The following CDC42BPG variants were observed in gnomAD, a reference collection of about 807,000 sequenced individuals.
CDC42BPG encodes the protein CDC42 binding protein kinase gamma.
Under a neutral mutation model 192.2 loss-of-function variants are expected in CDC42BPG, and 157 were observed. That is an observed-to-expected ratio of 0.82 (90% CI 0.72 to 0.93). CDC42BPG has a LOEUF of 0.93. CDC42BPG is among the 40% of genes least tolerant of loss of function. The probability of loss-of-function intolerance (pLI) is 0.00; values close to 1 mark genes in which losing one functional copy is unlikely to be tolerated. For synonymous variants in CDC42BPG, 981 were observed against 918.5 expected, an observed-to-expected ratio of 1.07 and a Z score of -1.23; for missense variants, 1,992 against 2,122.1, an observed-to-expected ratio of 0.94 and a Z score of 1.20.
intron 36 of CDC42BPG, 111 bp downstream of exon 36, chr11:64,826,359 A>G (rs1382995271): frequency 2.7e-6 from 2 of 740,278 alleles, no homozygotes; most frequent in Non-Finnish European, 4.8e-6. Flanking sequence ...AATCGAGGGC[A>G]GGGATGGGCT....
At chr11:64,836,629 G>A in intron 11 of CDC42BPG, 99 bp from the exon 12 acceptor site, 1 of 1,245,148 alleles carries the variant, frequency 8.0e-7, no homozygotes, top group African/African-American at 1.6e-5. Flanking sequence ...CGGGCTCAGA[G>A]AGTATAAAAT....
In CDC42BPG at chr11:64,835,418, G is replaced by C; in HGVS notation, c.1882C>G (p.Pro628Ala). The C allele has an allele frequency of 1.2e-6, 2 of 1,613,542 alleles. No individual in the cohort carries two copies. Among genetic ancestry groups the C allele is most frequent in the South Asian group, 2.2e-5 (2 of 91,080 alleles). Residue 628 changes from proline (P) to alanine (A), a missense_variant and splice_region_variant, in exon 16 of 37, where the codon CCG (proline) becomes GCG (alanine). By Grantham distance (27) the Pro-to-Ala change is conservative. This residue lies in a region of CDC42BPG where 1,656 missense variants were observed against 1,844.3 expected (regional missense o/e 0.90). Transcript: ENST00000342711. ...CACAGAGCCTCCTCCTTACCACTCGGCCTGGGGAGGAGAAGGCCAAGGCCG... is the reference window on the plus strand; with the variant it reads ...CACAGAGCCTCCTCCTTACCACTCGCCCTGGGGAGGAGAAGGCCAAGGCCG... ...EQLEQAHSHR[P>A]SGKEEALCQL...
chr11:64,841,447 G>A (rs555855125), intron 3 of CDC42BPG, among the ~76,000 whole-genome samples: 2 of 146,412 alleles, frequency 1.4e-5, no homozygotes, highest in African/African-American at 2.5e-5. Context: ...GCAAGATTCC[G>A]TCTCAAAAAA....
chr11:64,842,577 T>C (rs947757671), intron 1 of CDC42BPG, among the ~76,000 whole-genome samples: 1 of 152,180 alleles, frequency 6.6e-6, no homozygotes, highest in Non-Finnish European at 1.5e-5. Context: ...CACTAGCCCC[T>C]GAAGGCGTGA....
intron 9 of CDC42BPG, 97 bp from the exon 10 acceptor site, chr11:64,837,116 G>C: frequency 9.2e-7 from 1 of 1,081,516 alleles, no homozygotes; most frequent in Non-Finnish European, 1.4e-6. Flanking sequence ...TTGTGAAACA[G>C]CCAAAACAGA....
At position 64,825,864 on chromosome 11, in the gene CDC42BPG, G is replaced by C. The variant is rs760831429; in HGVS notation, c.4599+606C>G. Among the ~76,000 whole-genome samples the C allele has an allele frequency of 2.0e-3, 306 of 152,150 alleles. 1 individual carries two copies. Among genetic ancestry groups the C allele is most frequent in the Non-Finnish European group, 3.6e-3 (248 of 68,000 alleles). Reference sequence around the variant, plus strand: ...GCGGATCACTTGAGGTCAGGAGTTCGAGACCAGCCTGGCCAACATAATGAA... The same window carrying C: ...GCGGATCACTTGAGGTCAGGAGTTCCAGACCAGCCTGGCCAACATAATGAA... On this transcript the variant is annotated intron_variant, in intron 36 of 36. Coordinates refer to ENST00000342711, the MANE Select transcript of CDC42BPG (RefSeq NM_017525.3).
chr11:64,826,634 G>T, intron 35 of CDC42BPG, 37 bp downstream of exon 35: 1 of 1,586,798 alleles, frequency 6.3e-7, no homozygotes, highest in Admixed American at 1.7e-5. Context: ...ACTTGGGGTG[G>T]GGGGTGGCAC....
chr11:64,833,602 T>C lies in CDC42BPG; in HGVS notation c.2623A>G (p.Lys875Glu), dbSNP rs939841681. 9.9e-6 allele frequency: 16 copies of C among 1,609,354 alleles called. No individual in the cohort carries two copies. The highest frequency in any genetic ancestry group is 1.4e-5 in the Non-Finnish European group (16 of 1,178,240). The change falls in exon 23 of 37, where the codon AAG (lysine) becomes GAG (glutamate). Residue 875 changes from lysine (K) to glutamate (E), a missense_variant and splice_region_variant. Physicochemically the swap from Lys to Glu is moderately conservative, Grantham distance 56 (BLOSUM62 1). Around this residue, in one of 2 missense-constraint regions of CDC42BPG, gnomAD observed 1,656 missense variants for 1,844.3 expected, o/e 0.90. Transcript: ENST00000342711. The part of the protein sequence containing the change: ...NTASTEGLPA[K>E]PGSHTLRPRS... ...TGCTTGCCCCTCTGGGCACTGACCT[T>C]AGCAGGAAGACCTTCTGTAGAGGCT...
At chr11:64,842,904 G>A (rs1200005292) in intron 1 of CDC42BPG, among the ~76,000 whole-genome samples, 4 of 152,202 alleles carry the variant, frequency 2.6e-5, no homozygotes, top group African/African-American at 9.6e-5. Context: ...GGGACAGAGA[G>A]CTGTTCCACA....
Position 64,831,808 on chromosome 11 carries a change from G to A in CDC42BPG, c.3088-87C>T, listed in dbSNP as rs1041265084. 3.6e-5 allele frequency: 45 copies of A among 1,246,352 alleles called. 1 individual carries two copies. The highest frequency in any genetic ancestry group is 3.1e-4 in the South Asian group (22 of 72,044). The allele number at this position is 1,246,352 out of a possible 1,614,324, so 77.2% of individuals were successfully genotyped here. On this transcript the variant is annotated intron_variant, in intron 27 of 36. Transcript: ENST00000342711. ...CTGCCTCCAGCAGCCGCTGTGCCCC[G>A]GGGGCCTAGCGTGCACTGTCAGCAG...
In CDC42BPG at chr11:64,836,725, G is replaced by T; in HGVS notation, c.1384+14C>A. On this transcript the variant is annotated intron_variant, in intron 11 of 36. Transcript: ENST00000342711. ...CAGCCCTGGGGGGGGGGGGGGGGTGGGCGGAAGGGATACCTGGCAGCCTGT... is the reference window on the plus strand; with the variant it reads ...CAGCCCTGGGGGGGGGGGGGGGGTGTGCGGAAGGGATACCTGGCAGCCTGT... The T allele has an allele frequency of 1.0e-6, 1 of 956,870 alleles. No individual in the cohort carries two copies. Among genetic ancestry groups the T allele is most frequent in the Non-Finnish European group, 1.5e-6 (1 of 670,294 alleles). The allele number at this position is 956,870 out of a possible 1,614,324, so 59.3% of individuals were successfully genotyped here.
Position 64,841,792 on chromosome 11 carries a change from T to C in CDC42BPG, c.252+21A>G, listed in dbSNP as rs899119786. On this transcript the variant is annotated intron_variant, in intron 2 of 36. Coordinates refer to ENST00000342711, the MANE Select transcript of CDC42BPG (RefSeq NM_017525.3). ...CCCGGTGTGAACACCTCCCCCCACCTACCCCAGGCCCTTTGCTCACCTCCC... is the reference window on the plus strand; with the variant it reads ...CCCGGTGTGAACACCTCCCCCCACCCACCCCAGGCCCTTTGCTCACCTCCC... 3 of 1,612,998 alleles carry C rather than the reference T, an allele frequency of 1.9e-6. No homozygotes were observed. The Admixed American group carries it at 5.0e-5, about 27-fold the overall frequency.
At chr11:64,835,467 C>T (rs201052576) in intron 15 of CDC42BPG, 33 bp downstream of exon 15, 240 of 1,609,456 alleles carry the variant, frequency 1.5e-4, no homozygotes, top group Non-Finnish European at 1.8e-4. Flanking sequence ...AGGCCAGGCC[C>T]GGCCCCTCCC....
intron 36 of CDC42BPG, among the ~76,000 whole-genome samples, chr11:64,825,016 A>G (rs1204757136): frequency 6.6e-6 from 1 of 151,288 alleles, no homozygotes; most frequent in Non-Finnish European, 1.5e-5. Context: ...TCCCAGGTTC[A>G]AGTGATTCTC....
At chr11:64,841,964 A>C (rs1592727110) in intron 1 of CDC42BPG, 60 bp from the exon 2 acceptor site, 15 of 1,373,384 alleles carry the variant, frequency 1.1e-5, no homozygotes, top group Non-Finnish European at 1.2e-5. Flanking sequence ...TCCCCCTCTC[A>C]CCTTGGGCAA....
chr11:64,833,517 C>A, intron 23 of CDC42BPG, 83 bp downstream of exon 23: 1 of 1,314,768 alleles, frequency 7.6e-7, no homozygotes, highest in Non-Finnish European at 1.1e-6. Flanking sequence ...AGCCACGATG[C>A]ACGTGGAGTG....
At chr11:64,831,823 A>G in intron 27 of CDC42BPG, 102 bp from the exon 28 acceptor site, 1 of 1,042,866 alleles carries the variant, frequency 9.6e-7, no homozygotes, top group Non-Finnish European at 1.4e-6. Context: ...CCTAGCGTGC[A>G]CTGTCAGCAG....
rs1943238150 is a variant in CDC42BPG, at chr11:64,840,607, C to G, written c.378G>C (p.Gly126=). ...GCAGAGTGGTCACCCAACGGCTGTC[C>G]CCTTTCACGAGCACATCCCGCTCCT... The part of the protein sequence containing the change: ...FREERDVLVK[G]DSRWVTTLHY... Residue 126 remains glycine, a synonymous_variant, in exon 4 of 37, where the codon GGG becomes GGC. Coordinates refer to ENST00000342711, the MANE Select transcript of CDC42BPG (RefSeq NM_017525.3). 1 of 1,613,828 alleles carries G rather than the reference C, an allele frequency of 6.2e-7. No individual in the cohort carries two copies. Among genetic ancestry groups the G allele is most frequent in the African/African-American group, 1.3e-5 (1 of 74,930 alleles).
At chr11:64,825,688 AG>A (rs1055812910) in intron 36 of CDC42BPG, among the ~76,000 whole-genome samples, 1 of 152,034 alleles carries the variant, frequency 6.6e-6, no homozygotes, top group African/African-American at 2.4e-5. Context: ...GGCTTCTCTT[AG>A]GTTTTCCCCT....
Sources: allele counts gnomAD v4.1 joint callset (sites outside exome capture counted in the v4.1 genomes callset), GRCh38; gene constraint gnomAD v4.1.1; regional missense constraint gnomAD v4.1.1; transcripts MANE v1.5; gene names NCBI Gene and HGNC (gene_info 2026-07-23, HGNC 2026-07-21).